The following SHC3 variants were observed in gnomAD, a reference collection of about 807,000 sequenced individuals.
SHC3 encodes SHC adaptor protein 3.
A neutral mutation model predicts 60.4 loss-of-function variants in SHC3; 15 were observed. The ratio of observed to expected loss-of-function variants is 0.25; its 90% CI spans 0.17 to 0.38. The LOEUF is 0.38. SHC3 is among the 10% of genes least tolerant of loss of function. The pLI is 1.00. For synonymous variants in SHC3, 294 were observed against 325.9 expected (o/e 0.90, Z 1.05); for missense variants, 677 against 786.1 (o/e 0.86, Z 1.66).
At chr9:89,029,908 G>A (rs1193043134) in intron 11 of SHC3, among the ~76,000 whole-genome samples, 1 of 152,010 alleles carries the variant, frequency 6.6e-6, no homozygotes, top group South Asian at 2.1e-4. Flanking sequence ...TCAAATGGCA[G>A]CTATAAATCA....
intron 5 of SHC3, among the ~76,000 whole-genome samples, chr9:89,069,913 T>A (rs1418442739): frequency 6.6e-6 from 1 of 152,178 alleles, no homozygotes; most frequent in Non-Finnish European, 1.5e-5. Context: ...AATTTTCTAA[T>A]CCAGTTTCCA....
At chr9:89,026,400 G>A (rs1484688532) in intron 11 of SHC3, among the ~76,000 whole-genome samples, 2 of 151,988 alleles carry the variant, frequency 1.3e-5, no homozygotes, top group African/African-American at 4.8e-5. Flanking sequence ...CCCTTCTAAT[G>A]ATTCCAGGTC....
At chr9:89,162,323 C>G (rs1226599674) in intron 1 of SHC3, among the ~76,000 whole-genome samples, 4 of 151,976 alleles carry the variant, frequency 2.6e-5, no homozygotes, top group African/African-American at 9.7e-5. Flanking sequence ...GGAGGCATCA[C>G]ACTACCTGAC....
chr9:89,095,297 G>A (rs1293589585), intron 2 of SHC3, among the ~76,000 whole-genome samples: 1 of 152,180 alleles, frequency 6.6e-6, no homozygotes, highest in South Asian at 2.1e-4. Flanking sequence ...ATTCTGACAC[G>A]TGCTACAAGA....
intron 3 of SHC3, among the ~76,000 whole-genome samples, chr9:89,076,740 C>T (rs892819976): frequency 2.0e-5 from 3 of 152,130 alleles, no homozygotes; most frequent in African/African-American, 7.2e-5. Context: ...ACGGGGATAT[C>T]CAGTGGTATT....
At chr9:89,130,562 T>C (rs545030717) in intron 1 of SHC3, among the ~76,000 whole-genome samples, 3 of 152,264 alleles carry the variant, frequency 2.0e-5, no homozygotes, top group Non-Finnish European at 4.4e-5. Flanking sequence ...TATAACAAAC[T>C]GTCTCTCAGA....
At chr9:89,086,529 C>G (rs760287386) in intron 2 of SHC3, among the ~76,000 whole-genome samples, 141 of 152,204 alleles carry the variant, frequency 9.3e-4, no homozygotes, top group Non-Finnish European at 3.5e-4. Context: ...AGAGAGGACC[C>G]TCTGCATGTT....
chr9:89,066,966 C>T (rs1351769592), intron 5 of SHC3, among the ~76,000 whole-genome samples: 3 of 152,312 alleles, frequency 2.0e-5, no homozygotes, highest in Middle Eastern at 3.4e-3. Flanking sequence ...CACAGCCCAA[C>T]AAGACCACAC....
At chr9:89,121,917 C>T (rs1451410308) in intron 1 of SHC3, among the ~76,000 whole-genome samples, 1 of 152,152 alleles carries the variant, frequency 6.6e-6, no homozygotes, top group African/African-American at 2.4e-5. Flanking sequence ...TCCATAAGAG[C>T]TGGCCAACTT....
chr9:89,063,148 T>G (rs997047385), intron 6 of SHC3, among the ~76,000 whole-genome samples: 1 of 152,232 alleles, frequency 6.6e-6, no homozygotes, highest in Non-Finnish European at 1.5e-5. Context: ...GCTTTTTTTT[T>G]GAGACGGAGT....
intron 6 of SHC3, among the ~76,000 whole-genome samples, chr9:89,059,796 T>G (rs1394008347): frequency 0.04 from 651 of 16,098 alleles, no homozygotes; most frequent in East Asian, 0.095. Context: ...TGGAGGACGT[T>G]GTGGAGGATG....
chr9:89,035,557 AG>A (rs1221139571), intron 11 of SHC3, among the ~76,000 whole-genome samples: 1 of 152,144 alleles, frequency 6.6e-6, no homozygotes, highest in East Asian at 1.9e-4. Context: ...CCATGATGCA[AG>A]GAACTTAGTA....
chr9:89,146,374 AAAAC>A (rs201652794), intron 1 of SHC3, among the ~76,000 whole-genome samples: 3,709 of 151,918 alleles, frequency 0.024, 66 homozygotes, highest in Middle Eastern at 0.071. Context: ...AAAACAAAAC[AAAAC>A]AAAAAAAAAC....
chr9:89,177,933 C>A, intron 1 of SHC3, 54 bp downstream of exon 1: 1 of 1,174,634 alleles, frequency 8.5e-7, no homozygotes, highest in South Asian at 4.2e-5. Context: ...AGGAGTCTGC[C>A]CCGAACTGGC....
At chr9:89,110,938 C>T (rs1199641208) in intron 2 of SHC3, among the ~76,000 whole-genome samples, 1 of 152,080 alleles carries the variant, frequency 6.6e-6, no homozygotes, top group Non-Finnish European at 1.5e-5. Context: ...ACAGAGAGTC[C>T]CAGGAGTTGT....
chr9:89,054,898 C>A (rs1393578139), intron 6 of SHC3, among the ~76,000 whole-genome samples: 1 of 152,116 alleles, frequency 6.6e-6, no homozygotes, highest in African/African-American at 2.4e-5. Flanking sequence ...TATTTTGCCC[C>A]GCCAATAAAA....
At chr9:89,098,905 G>A (rs1229401878) in intron 2 of SHC3, among the ~76,000 whole-genome samples, 1 of 152,132 alleles carries the variant, frequency 6.6e-6, no homozygotes, top group African/African-American at 2.4e-5. Context: ...CTGGGAGGTG[G>A]AGGTTGCAGT....
chr9:89,033,611 T>C (rs1824526932), intron 11 of SHC3, among the ~76,000 whole-genome samples: 1 of 152,224 alleles, frequency 6.6e-6, no homozygotes, highest in African/African-American at 2.4e-5. Flanking sequence ...CAAATGCTTG[T>C]TGAATACTGC....
chr9:89,130,545 C>T (rs1322762713), intron 1 of SHC3, among the ~76,000 whole-genome samples: 1 of 152,132 alleles, frequency 6.6e-6, no homozygotes, highest in Non-Finnish European at 1.5e-5. Context: ...TGTAAAAGAA[C>T]AGAAATTATA....
Sources: allele counts gnomAD v4.1 joint callset (sites outside exome capture counted in the v4.1 genomes callset), GRCh38; gene constraint gnomAD v4.1.1; transcripts MANE v1.5; gene names NCBI Gene and HGNC (gene_info 2026-07-23, HGNC 2026-07-21).